UGT1A5: variants seen among roughly 807,000 people sequenced by gnomAD.
The protein encoded by UGT1A5 is UDP glucuronosyltransferase family 1 member A5.
In UGT1A5, 29 loss-of-function variants were observed where a neutral mutation model predicts 40.3. The observed-to-expected ratio is 0.72, with a 90% CI of 0.54 to 0.98. UGT1A5 has a LOEUF of 0.98. Among genes scored for constraint, UGT1A5 ranks in the 50% least tolerant of loss-of-function variants. UGT1A5 has a pLI of 0.00. For synonymous variants in UGT1A5, 257 were observed against 262.5 expected, an observed-to-expected ratio of 0.98 and a Z score of 0.20; for missense variants, 678 against 677.9, an observed-to-expected ratio of 1.00 and a Z score of 0.00.
At chr2:233,744,229 G>T (rs1245532493) in intron 1 of UGT1A5, among the ~76,000 whole-genome samples, 1 of 151,826 alleles carries the variant, frequency 6.6e-6, no homozygotes, top group African/African-American at 2.4e-5. Context: ...AAAAGAGAGG[G>T]CCTTGACTTT....
intron 1 of UGT1A5, 114 bp from the exon 2 acceptor site, chr2:233,766,920 A>C (rs1699278586): frequency 8.4e-6 from 13 of 1,554,452 alleles, no homozygotes. Context: ...TATCTCAAAC[A>C]CGCATGCCTT....
chr2:233,772,680 C>G lies in UGT1A5; in HGVS notation c.*121C>G. 6.5e-7 allele frequency: 1 copy of G among 1,530,096 alleles called. No individual in the cohort carries two copies. The highest frequency in any genetic ancestry group is 8.8e-7 in the Non-Finnish European group (1 of 1,141,550). 94.8% of individuals were successfully genotyped at this position (1,530,096 alleles called of 1,614,324 possible). Reference sequence around the variant, plus strand: ...AAGGAAATACTTTGCATAAATTAATCAGCCCCAGAGTGCTTTAAAAAATTC... The same window carrying G: ...AAGGAAATACTTTGCATAAATTAATGAGCCCCAGAGTGCTTTAAAAAATTC... On this transcript the variant is annotated 3_prime_UTR_variant, in exon 5 of 5. Transcript: ENST00000373414.
chr2:233,715,125 A>AT (rs1340415834), intron 1 of UGT1A5, among the ~76,000 whole-genome samples: 1 of 152,104 alleles, frequency 6.6e-6, no homozygotes, highest in Non-Finnish European at 1.5e-5. Flanking sequence ...ATCTCAAGTG[A>AT]TTCACTCACC....
chr2:233,761,361 C>A (rs1202698678), intron 1 of UGT1A5, among the ~76,000 whole-genome samples: 1 of 152,198 alleles, frequency 6.6e-6, no homozygotes, highest in Non-Finnish European at 1.5e-5. Context: ...GGAAAGCATT[C>A]CTTGGACATT....
chr2:233,766,145 C>G (rs1400021152), intron 1 of UGT1A5, among the ~76,000 whole-genome samples: 2 of 152,164 alleles, frequency 1.3e-5, no homozygotes, highest in Non-Finnish European at 2.9e-5. Flanking sequence ...CGAATCCCAC[C>G]TGGGCTTGGA....
Position 233,719,571 on chromosome 2 carries a change from T to C in UGT1A5, c.867+5713T>C, listed in dbSNP as rs749406769. The C allele has an allele frequency of 1.9e-5, 31 of 1,613,788 alleles. No individual in the cohort carries two copies. Among genetic ancestry groups the C allele is most frequent in the Non-Finnish European group, 2.2e-5 (26 of 1,179,874 alleles). ...GGTGTCAGTGGTGGATCTTGTCAGC[T>C]ATGCATCCGTGTGGCTGTTCCGAGG... On this transcript the variant is annotated intron_variant, in intron 1 of 4. Coordinates refer to ENST00000373414, the MANE Select transcript of UGT1A5 (RefSeq NM_019078.2).
At chr2:233,748,802 C>G (rs1371204556) in intron 1 of UGT1A5, among the ~76,000 whole-genome samples, 1 of 151,284 alleles carries the variant, frequency 6.6e-6, no homozygotes, top group African/African-American at 2.5e-5. Context: ...CTGAAATTAT[C>G]AAGAAATTGT....
Position 233,713,640 on chromosome 2 carries a change from C to A in UGT1A5, c.649C>A (p.Pro217Thr), listed in dbSNP as rs2076335946. 5 of 1,613,940 alleles carry A rather than the reference C, an allele frequency of 3.1e-6. No homozygotes were observed. The highest frequency in any genetic ancestry group is 4.2e-6 in the Non-Finnish European group (5 of 1,179,858). The part of the protein sequence containing the change: ...FLQRVKNMLY[P>T]LALSYLCHAV... ...GCAAAGGGTCAAGAACATGCTCTAC[C>A]CTCTGGCCCTGTCCTACCTTTGCCA... Residue 217 changes from proline (P) to threonine (T), a missense_variant, in exon 1 of 5, where the codon CCT becomes ACT. By Grantham distance (38) the Pro-to-Thr change is conservative. Transcript: ENST00000373414.
Position 233,719,094 on chromosome 2 carries a change from G to A in UGT1A5, c.867+5236G>A, listed in dbSNP as rs376370143. 116 of 1,614,204 alleles carry A rather than the reference G, an allele frequency of 7.2e-5. No individual in the cohort carries two copies. Among genetic ancestry groups the A allele is most frequent in the East Asian group, 4.2e-4 (19 of 44,884 alleles). ...ATGGACCCAGAAGGAATTTGATCGCGTTACGCTGGGCTACACTCAAGGGTT... is the reference window on the plus strand; with the variant it reads ...ATGGACCCAGAAGGAATTTGATCGCATTACGCTGGGCTACACTCAAGGGTT... On this transcript the variant is annotated intron_variant, in intron 1 of 4. Coordinates refer to ENST00000373414, the MANE Select transcript of UGT1A5 (RefSeq NM_019078.2).
chr2:233,719,094 G>T, intron 1 of UGT1A5: 7 of 1,614,206 alleles, frequency 4.3e-6, no homozygotes, highest in Non-Finnish European at 5.9e-6. Context: ...ATTTGATCGC[G>T]TTACGCTGGG....
intron 1 of UGT1A5, chr2:233,718,927 C>T (rs149779946): frequency 8.1e-5 from 131 of 1,614,002 alleles, no homozygotes; most frequent in Non-Finnish European, 1.0e-4. Context: ...GTGGTGCCCA[C>T]TGATGGCAGC....
intron 1 of UGT1A5, among the ~76,000 whole-genome samples, chr2:233,748,325 G>C (rs574436973): frequency 6.6e-6 from 1 of 151,854 alleles, no homozygotes; most frequent in East Asian, 1.9e-4. Context: ...GGACTGATGT[G>C]ACTCATGGAG....
chr2:233,730,114 C>G (rs2125751951), intron 1 of UGT1A5: 1 of 1,562,004 alleles, frequency 6.4e-7, no homozygotes, highest in Admixed American at 1.9e-5. Context: ...TCTGCTTCTC[C>G]TTGTCATAAT....
At chr2:233,744,570 G>A (rs1351867033) in intron 1 of UGT1A5, among the ~76,000 whole-genome samples, 1 of 151,848 alleles carries the variant, frequency 6.6e-6, no homozygotes, top group Non-Finnish European at 1.5e-5. Flanking sequence ...TGAGAAGAGT[G>A]GCATCGTTTT....
intron 1 of UGT1A5, chr2:233,742,922 C>G (rs1038154831): frequency 2.7e-5 from 5 of 188,274 alleles, no homozygotes; most frequent in African/African-American, 1.2e-4. Context: ...AAGTGCTGAA[C>G]TGAACATTCT....
intron 4 of UGT1A5, chr2:233,770,673 A>G (rs1176637451): frequency 6.6e-6 from 1 of 152,078 alleles, no homozygotes; most frequent in African/African-American, 2.4e-5. Context: ...AAAAAAAAAA[A>G]AAGAAGGTTC....
chr2:233,747,643 C>T (rs1693738898), intron 1 of UGT1A5: 1 of 1,585,416 alleles, frequency 6.3e-7, no homozygotes, highest in East Asian at 2.2e-5. Context: ...CTGAATGCTA[C>T]TTCCTTCGAT....
At chr2:233,737,920 A>AT (rs1189793368) in intron 1 of UGT1A5, among the ~76,000 whole-genome samples, 1 of 152,076 alleles carries the variant, frequency 6.6e-6, no homozygotes, top group Non-Finnish European at 1.5e-5. Context: ...AGGCTAGTGT[A>AT]TTTAGTAGTG....
chr2:233,734,392 G>A (rs570744266), intron 1 of UGT1A5, among the ~76,000 whole-genome samples: 1 of 151,992 alleles, frequency 6.6e-6, no homozygotes, highest in Non-Finnish European at 1.5e-5. Context: ...ATTTTTTATT[G>A]CGTCTATTTG....
Sources: allele counts gnomAD v4.1 joint callset (sites outside exome capture counted in the v4.1 genomes callset), GRCh38; gene constraint gnomAD v4.1.1; transcripts MANE v1.5; gene names NCBI Gene and HGNC (gene_info 2026-07-23, HGNC 2026-07-21).